NTRK3: variants seen among roughly 807,000 people sequenced by gnomAD.
NTRK3 encodes the protein neurotrophic receptor tyrosine kinase 3.
A neutral mutation model predicts 91.7 loss-of-function variants in NTRK3; 24 were observed. The ratio of observed to expected loss-of-function variants is 0.26; its 90% CI spans 0.19 to 0.37. NTRK3 has a LOEUF of 0.37. Ranked by LOEUF, NTRK3 falls within the 10% of genes least tolerant of loss-of-function variation. The probability of loss-of-function intolerance (pLI) is 1.00; values close to 1 mark genes in which losing one functional copy is unlikely to be tolerated. For missense variants in NTRK3, 880 were observed against 1,068.9 expected (o/e 0.82, Z 2.46); for synonymous variants, 483 against 404.0 (o/e 1.20, Z -2.34).
At chr15:88,064,747 G>A (rs984730249) in intron 13 of NTRK3, among the ~76,000 whole-genome samples, 1 of 152,102 alleles carries the variant, frequency 6.6e-6, no homozygotes, top group African/African-American at 2.4e-5. Flanking sequence ...AGGTTATGGG[G>A]GTCTCTGCTG....
At chr15:88,006,093 C>A (rs115593173) in intron 14 of NTRK3, among the ~76,000 whole-genome samples, 1 of 152,128 alleles carries the variant, frequency 6.6e-6, no homozygotes, top group South Asian at 2.1e-4. Context: ...CTGTAGCTGT[C>A]AAAATAGCCT....
At chr15:88,037,973 C>T (rs566700326) in intron 13 of NTRK3, among the ~76,000 whole-genome samples, 6 of 152,186 alleles carry the variant, frequency 3.9e-5, no homozygotes, top group South Asian at 2.1e-4. Flanking sequence ...AGTCTGGCTC[C>T]GGAGCCTGTG....
chr15:88,001,131 C>T (rs915707263), intron 14 of NTRK3, among the ~76,000 whole-genome samples: 18 of 152,200 alleles, frequency 1.2e-4, no homozygotes, highest in Admixed American at 3.3e-4. Context: ...TGCTTATTGG[C>T]TATTTGTATA....
exon 19 of NTRK3, chr15:87,863,435 G>A (rs1219730325): frequency 2.7e-5 from 6 of 223,848 alleles, no homozygotes; most frequent in Non-Finnish European, 4.5e-5. Flanking sequence ...TCTGGGATGC[G>A]AGAAGCAAGA....
At chr15:88,001,372 T>C (rs538819641) in intron 14 of NTRK3, among the ~76,000 whole-genome samples, 11 of 152,284 alleles carry the variant, frequency 7.2e-5, no homozygotes, top group African/African-American at 2.6e-4. Flanking sequence ...TTTTCTTTTG[T>C]TACTTGTGTT....
At chr15:88,254,290 T>A (rs963554735) in intron 3 of NTRK3, among the ~76,000 whole-genome samples, 2 of 152,170 alleles carry the variant, frequency 1.3e-5, no homozygotes, top group Admixed American at 6.5e-5. Context: ...CCCTTCTCCC[T>A]GCATCCTTGG....
chr15:88,120,231 G>A (rs964248032), intron 13 of NTRK3, among the ~76,000 whole-genome samples: 2 of 152,218 alleles, frequency 1.3e-5, no homozygotes, highest in African/African-American at 2.4e-5. Flanking sequence ...TTTGGCAGGA[G>A]CCAGTCCCTC....
chr15:88,184,266 G>A (rs1250719882), exon 4 of NTRK3: 14 of 1,603,722 alleles, frequency 8.7e-6, no homozygotes, highest in Admixed American at 8.5e-5. Context: ...CCACGGCGTT[G>A]AGCGTGTGAA....
intron 13 of NTRK3, among the ~76,000 whole-genome samples, chr15:88,054,379 A>G (rs2045503290): frequency 6.6e-6 from 1 of 151,988 alleles, no homozygotes; most frequent in African/African-American, 2.4e-5. Flanking sequence ...CCCAGCCAGA[A>G]CTCCTCATTC....
intron 5 of NTRK3, among the ~76,000 whole-genome samples, chr15:88,155,412 G>A (rs2043796101): frequency 6.6e-6 from 1 of 152,126 alleles, no homozygotes; most frequent in African/African-American, 2.4e-5. Flanking sequence ...AGAAAGAAAT[G>A]CTGACCTCCC....
chr15:87,890,338 G>C (rs1041245707), intron 17 of NTRK3, among the ~76,000 whole-genome samples: 1 of 152,056 alleles, frequency 6.6e-6, no homozygotes, highest in East Asian at 1.9e-4. Context: ...GGGAGACATT[G>C]TAATTATAGT....
chr15:88,047,399 T>C (rs2080320824), intron 13 of NTRK3, among the ~76,000 whole-genome samples: 1 of 152,048 alleles, frequency 6.6e-6, no homozygotes, highest in African/African-American at 2.4e-5. Flanking sequence ...GTGGGGAGAT[T>C]CTATAGTAGT....
At chr15:88,158,897 G>A (rs983277080) in intron 5 of NTRK3, among the ~76,000 whole-genome samples, 56 of 151,062 alleles carry the variant, frequency 3.7e-4, no homozygotes, top group Non-Finnish European at 5.8e-4. Context: ...CATGACAAGA[G>A]AAAAAAAAAG....
At position 87,911,027 on chromosome 15, in the gene NTRK3, A is replaced by C. The variant is rs140351242; in HGVS notation, c.2133+18164T>G. Among the ~76,000 whole-genome samples the C allele has an allele frequency of 3.3e-5, 5 of 152,282 alleles. No homozygotes were observed. The East Asian group carries it at 9.6e-4, about 29-fold the overall frequency. Reference sequence around the variant, plus strand: ...TCAGGCAAAGTTAGAAGGGATAGAAAGGTCAAATGAAGATTTTTCTTTAAT... The same window carrying C: ...TCAGGCAAAGTTAGAAGGGATAGAACGGTCAAATGAAGATTTTTCTTTAAT... On this transcript the variant is annotated intron_variant, in intron 17 of 18. Transcript: ENST00000394480.
intron 13 of NTRK3, among the ~76,000 whole-genome samples, chr15:88,116,589 G>A (rs2052105458): frequency 6.6e-6 from 1 of 152,164 alleles, no homozygotes; most frequent in Non-Finnish European, 1.5e-5. Flanking sequence ...CAGGCCTGAA[G>A]TATTTACCAG....
intron 13 of NTRK3, among the ~76,000 whole-genome samples, chr15:88,064,621 T>C (rs533555595): frequency 6.6e-6 from 1 of 152,190 alleles, no homozygotes; most frequent in Non-Finnish European, 1.5e-5. Flanking sequence ...CTGGTTTCTA[T>C]GCCCATAGCT....
rs116009371 is a variant in NTRK3, at chr15:88,153,125, T to C, written c.396-5722A>G. Among the ~76,000 whole-genome samples, 920 of 152,360 alleles carry C rather than the reference T, an allele frequency of 6.0e-3. 11 individuals carry two copies. Among genetic ancestry groups the C allele is most frequent in the African/African-American group, 0.021 (875 of 41,588 alleles). On this transcript the variant is annotated intron_variant, in intron 5 of 18. Coordinates refer to ENST00000394480, the Ensembl canonical transcript of NTRK3. Reference sequence around the variant, plus strand: ...AGGGTCTGTGACTTGCTGGCTGCAATCATTATGGTGCAAATCTTATTTCTT... The same window carrying C: ...AGGGTCTGTGACTTGCTGGCTGCAACCATTATGGTGCAAATCTTATTTCTT...
chr15:87,978,966 C>T (rs1380156130), intron 14 of NTRK3: 14 of 362,184 alleles, frequency 3.9e-5, no homozygotes, highest in Admixed American at 8.8e-5. Context: ...GGCTGGAGCA[C>T]GGCTGGACTT....
chr15:88,137,492 C>T (rs2041989939), exon 7 of NTRK3: 5 of 1,614,074 alleles, frequency 3.1e-6, no homozygotes, highest in Non-Finnish European at 4.2e-6. Context: ...GCTTGGCCTC[C>T]CCCTGCTCCT....
Sources: allele counts gnomAD v4.1 joint callset (sites outside exome capture counted in the v4.1 genomes callset), GRCh38; gene constraint gnomAD v4.1.1; transcripts MANE v1.5; gene names NCBI Gene and HGNC (gene_info 2026-07-23, HGNC 2026-07-21).